Variants in PKIB observed in about 807,000 individuals in gnomAD.
The protein encoded by PKIB is PKI-beta.
In PKIB, 2 loss-of-function variants were observed where a neutral mutation model predicts 4.5. The observed-to-expected ratio is 0.44, with a 90% CI of 0.18 to 1.39. The LOEUF (loss-of-function observed/expected upper bound fraction) is 1.39, where lower values mean the gene tolerates loss of function less well. PKIB is among the 40% of genes most tolerant of loss of function. The pLI, the probability that PKIB is intolerant of heterozygous loss-of-function variation, is 0.27. For synonymous variants in PKIB, 38 were observed against 36.0 expected (o/e 1.06, Z -0.20); for missense variants, 94 against 92.6 (o/e 1.02, Z -0.06).
intron 3 of PKIB, among the ~76,000 whole-genome samples, chr6:122,700,353 C>T (rs1778763038): frequency 7.0e-6 from 1 of 142,342 alleles, no homozygotes. Context: ...ACTTATAAGT[C>T]TTTTCTCTCA....
At chr6:122,591,094 A>G (rs574204168) in intron 3 of PKIB, among the ~76,000 whole-genome samples, 3 of 152,010 alleles carry the variant, frequency 2.0e-5, no homozygotes, top group East Asian at 1.9e-4. Flanking sequence ...TTATCCACCT[A>G]TTAAAGTTAT....
At chr6:122,723,940 C>T (rs955733582) in intron 4 of PKIB, among the ~76,000 whole-genome samples, 2 of 152,040 alleles carry the variant, frequency 1.3e-5, no homozygotes, top group Non-Finnish European at 2.9e-5. Flanking sequence ...CCTTGAGAGC[C>T]GGGATTCATG....
intron 2 of PKIB, among the ~76,000 whole-genome samples, chr6:122,527,305 A>G (rs1230609633): frequency 6.6e-6 from 1 of 151,884 alleles, no homozygotes; most frequent in Non-Finnish European, 1.5e-5. Flanking sequence ...TTCGTTTTTT[A>G]TAAGAATTTT....
intron 2 of PKIB, among the ~76,000 whole-genome samples, chr6:122,568,278 A>AT (rs1773252802): frequency 1.3e-5 from 2 of 152,152 alleles, no homozygotes; most frequent in Non-Finnish European, 2.9e-5. Flanking sequence ...CACACCATAA[A>AT]TTTTTTTCCA....
intron 2 of PKIB, among the ~76,000 whole-genome samples, chr6:122,637,522 C>T (rs954208418): frequency 2.0e-5 from 3 of 152,010 alleles, no homozygotes; most frequent in Non-Finnish European, 2.9e-5. Context: ...TTTGGGAGGC[C>T]GAGGCAGGTG....
intron 2 of PKIB, among the ~76,000 whole-genome samples, chr6:122,488,651 C>G (rs1775843187): frequency 6.6e-6 from 1 of 151,884 alleles, no homozygotes; most frequent in African/African-American, 2.4e-5. Flanking sequence ...CCAGGCTGTT[C>G]TCAAACCAGT....
chr6:122,500,360 G>T (rs1776194695), intron 2 of PKIB, among the ~76,000 whole-genome samples: 1 of 149,372 alleles, frequency 6.7e-6, no homozygotes, highest in South Asian at 2.1e-4. Flanking sequence ...AAATAGAATT[G>T]TAACACTGAG....
chr6:122,707,717 T>C (rs184538608), intron 3 of PKIB, among the ~76,000 whole-genome samples: 1 of 152,278 alleles, frequency 6.6e-6, no homozygotes, highest in Non-Finnish European at 1.5e-5. Flanking sequence ...AAAGATTGCA[T>C]TTTTAAGATA....
At chr6:122,657,559 A>T (rs1776821046) in intron 2 of PKIB, among the ~76,000 whole-genome samples, 1 of 152,148 alleles carries the variant, frequency 6.6e-6, no homozygotes, top group Non-Finnish European at 1.5e-5. Flanking sequence ...TACTGAGGGG[A>T]ATTTATGAGT....
At chr6:122,562,004 G>GTTTTTTTT (rs758656278) in intron 2 of PKIB, among the ~76,000 whole-genome samples, 1 of 79,474 alleles carries the variant, frequency 1.3e-5, no homozygotes. Flanking sequence ...GTTTTTTTTT[G>GTTTTTTTT]TTTTTTTTTT....
chr6:122,699,901 A>G (rs1210004078), intron 3 of PKIB, among the ~76,000 whole-genome samples: 2 of 152,156 alleles, frequency 1.3e-5, no homozygotes, highest in South Asian at 2.1e-4. Flanking sequence ...CCTCTATTTT[A>G]TATGCCAGAA....
At chr6:122,531,622 A>G (rs1200905943) in intron 2 of PKIB, among the ~76,000 whole-genome samples, 1 of 152,038 alleles carries the variant, frequency 6.6e-6, no homozygotes, top group African/African-American at 2.4e-5. Flanking sequence ...ATTCCTACTC[A>G]GCTTTTGAGA....
chr6:122,592,952 ACT>A (rs1774062128), intron 3 of PKIB, among the ~76,000 whole-genome samples: 1 of 152,112 alleles, frequency 6.6e-6, no homozygotes, highest in South Asian at 2.1e-4. Context: ...AATGTACATA[ACT>A]CTAATATTTG....
intron 3 of PKIB, among the ~76,000 whole-genome samples, chr6:122,678,219 A>C (rs1361366207): frequency 2.0e-5 from 3 of 152,166 alleles, no homozygotes; most frequent in African/African-American, 7.2e-5. Flanking sequence ...TCAGGCTTCC[A>C]GAGCAGGCAT....
intron 3 of PKIB, among the ~76,000 whole-genome samples, chr6:122,591,954 A>G (rs1411660855): frequency 6.6e-6 from 1 of 151,044 alleles, no homozygotes; most frequent in Non-Finnish European, 1.5e-5. Context: ...TTGGTTATTA[A>G]TGTCCTCAAC....
chr6:122,569,472 A>C (rs988616549), intron 2 of PKIB, among the ~76,000 whole-genome samples: 1 of 152,186 alleles, frequency 6.6e-6, no homozygotes, highest in African/African-American at 2.4e-5. Flanking sequence ...TGGCTAACCA[A>C]AGGTTCTAAG....
chr6:122,560,667 C>T (rs1423960027), intron 2 of PKIB, among the ~76,000 whole-genome samples: 1 of 152,016 alleles, frequency 6.6e-6, no homozygotes, highest in Non-Finnish European at 1.5e-5. Flanking sequence ...CCATCTGGTC[C>T]TGCACTTTTT....
Position 122,505,375 on chromosome 6 carries a change from C to T in PKIB, c.-248+27436C>T, listed in dbSNP as rs938885441. Among the ~76,000 whole-genome samples, 3 of 152,154 alleles carry T rather than the reference C, an allele frequency of 2.0e-5. No individual in the cohort carries two copies. The East Asian group carries it at 5.8e-4, about 29-fold the overall frequency. On this transcript the variant is annotated intron_variant, in intron 2 of 6. Transcript: ENST00000392491. ...TTTATGGCCAGTTTATACAGGCACC[C>T]CACAAGCCCTTTTCCCAACATGTCC...
intron 3 of PKIB, 69 bp downstream of exon 3, chr6:122,675,213 T>C (rs1278552293): frequency 6.6e-6 from 1 of 152,620 alleles, no homozygotes; most frequent in Non-Finnish European, 1.5e-5. Context: ...GTTCCTACCA[T>C]AAAACACTTG....
Sources: gnomAD v4.1 joint callset for allele counts (sites outside exome capture counted in the v4.1 genomes callset) on GRCh38, gnomAD v4.1.1 for gene constraint, MANE v1.5 for transcripts, NCBI Gene and HGNC (gene_info 2026-07-23, HGNC 2026-07-21) for gene names.